PLPPR4: variants seen among roughly 807,000 people sequenced by gnomAD.
PLPPR4 encodes phospholipid phosphatase-related protein type 4.
In PLPPR4, 24 loss-of-function variants were observed where a neutral mutation model predicts 56.6. That is an observed-to-expected ratio of 0.42 (90% CI 0.31 to 0.60). The LOEUF (loss-of-function observed/expected upper bound fraction) is 0.60, where lower values mean the gene tolerates loss of function less well. Among genes scored for constraint, PLPPR4 ranks in the 20% least tolerant of loss-of-function variants. The pLI, the probability that PLPPR4 is intolerant of heterozygous loss-of-function variation, is 0.13. For synonymous variants in PLPPR4, 326 were observed against 328.1 expected, an observed-to-expected ratio of 0.99 and a Z score of 0.07; for missense variants, 654 against 885.8, an observed-to-expected ratio of 0.74 and a Z score of 3.32.
At chr1:99,284,163 G>A (rs1053412762) in intron 1 of PLPPR4, among the ~76,000 whole-genome samples, 10 of 152,010 alleles carry the variant, frequency 6.6e-5, no homozygotes, top group Admixed American at 2.0e-4. Flanking sequence ...GCCGAAACCG[G>A]CACATACCGT....
chr1:99,284,159 A>G (rs1659407427), intron 1 of PLPPR4, among the ~76,000 whole-genome samples: 1 of 152,234 alleles, frequency 6.6e-6, no homozygotes, highest in African/African-American at 2.4e-5. Context: ...GTATGCCGAA[A>G]CCGGCACATA....
intron 2 of PLPPR4, among the ~76,000 whole-genome samples, chr1:99,291,927 T>A (rs1659631014): frequency 6.6e-6 from 1 of 151,894 alleles, no homozygotes; most frequent in Non-Finnish European, 1.5e-5. Flanking sequence ...AAATAAAAGT[T>A]TAGATAGATA....
In PLPPR4 at chr1:99,299,238, A is replaced by G. The variant is rs886408812; in HGVS notation, c.590+8A>G. The stretch of plus-strand genomic sequence containing the variant: ...AGTTATCAACAGTGGCAGGTTAGAA[A>G]CAGATCTAAAAACACTCTGCATCAT... On this transcript the variant is annotated splice_region_variant and intron_variant, in intron 4 of 6. Transcript: ENST00000370185. 1.2e-6 allele frequency: 2 copies of G among 1,605,042 alleles called. No individual in the cohort carries two copies. Among genetic ancestry groups the G allele is most frequent in the African/African-American group, 1.3e-5 (1 of 74,668 alleles).
Position 99,288,508 on chromosome 1 carries a change from A to C in PLPPR4, c.264+358A>C, listed in dbSNP as rs904312917. Among the ~76,000 whole-genome samples the C allele has an allele frequency of 8.1e-4, 124 of 152,226 alleles. No individual in the cohort carries two copies. The Middle Eastern group carries it at 0.024, about 29-fold the overall frequency. On this transcript the variant is annotated intron_variant, in intron 2 of 6. Coordinates refer to ENST00000370185, the MANE Select transcript of PLPPR4 (RefSeq NM_014839.5). Reference sequence around the variant, plus strand: ...TATTTAGTATCTGAAGCCTGAAAAAATGGGGGAGAAATTACATAGCCAAAA... The same window carrying C: ...TATTTAGTATCTGAAGCCTGAAAAACTGGGGGAGAAATTACATAGCCAAAA...
At chr1:99,303,710 G>GT (rs1009614654) in intron 6 of PLPPR4, among the ~76,000 whole-genome samples, 60 of 152,216 alleles carry the variant, frequency 3.9e-4, no homozygotes, top group African/African-American at 1.2e-3. Context: ...AATTTTATAA[G>GT]TTTTTTTATT....
chr1:99,283,623 A>G (rs1035597049), intron 1 of PLPPR4, among the ~76,000 whole-genome samples: 1 of 152,154 alleles, frequency 6.6e-6, no homozygotes, highest in Non-Finnish European at 1.5e-5. Context: ...CCTAATCCTC[A>G]GGTAATTTCC....
chr1:99,287,765 A>C (rs1659504477), intron 1 of PLPPR4, among the ~76,000 whole-genome samples, 200 bp from the exon 2 acceptor site: 1 of 152,160 alleles, frequency 6.6e-6, no homozygotes, highest in Non-Finnish European at 1.5e-5. Flanking sequence ...GGTTGGGGTC[A>C]ACATAGATGC....
In PLPPR4 at chr1:99,300,936, C is replaced by A. The variant is rs200892085; in HGVS notation, c.618C>A (p.Thr206=). 6.2e-7 allele frequency: 1 copy of A among 1,612,150 alleles called. No individual in the cohort carries two copies. Among genetic ancestry groups the A allele is most frequent in the Non-Finnish European group, 8.5e-7 (1 of 1,178,608 alleles). Residue 206 remains threonine, a synonymous_variant, in exon 5 of 7, where the codon ACC becomes ACA. Transcript: ENST00000370185. ...GRKSFPSQHA[T]LAAFAAVYVS... The stretch of plus-strand genomic sequence containing the variant: ...AGTCCTTCCCTTCTCAACATGCAAC[C>A]CTTGCTGCCTTTGCAGCTGTGTATG...
chr1:99,279,810 A>C (rs77246563), intron 1 of PLPPR4, among the ~76,000 whole-genome samples: 4,216 of 152,254 alleles, frequency 0.028, 152 homozygotes, highest in East Asian at 0.17. Flanking sequence ...CCTTATCTTA[A>C]ATTTATCTTA....
intron 6 of PLPPR4, among the ~76,000 whole-genome samples, chr1:99,305,234 A>G (rs1659988549): frequency 6.6e-6 from 1 of 152,166 alleles, no homozygotes; most frequent in Non-Finnish European, 1.5e-5. Context: ...TAAATGATAT[A>G]TTGTTCTATA....
chr1:99,269,620 A>G (rs1658999223), intron 1 of PLPPR4, among the ~76,000 whole-genome samples: 2 of 152,246 alleles, frequency 1.3e-5, no homozygotes, highest in Admixed American at 1.3e-4. Flanking sequence ...CTAAAAAAAT[A>G]TAAATTCCTA....
chr1:99,275,460 C>T (rs1659162185), intron 1 of PLPPR4, among the ~76,000 whole-genome samples: 1 of 152,104 alleles, frequency 6.6e-6, no homozygotes, highest in Non-Finnish European at 1.5e-5. Context: ...TTTTTAAACT[C>T]CAGCCTGTAG....
rs1557784916 is a variant in PLPPR4, at chr1:99,307,244, C to A, written c.*234C>A. On this transcript the variant is annotated 3_prime_UTR_variant, in exon 7 of 7. Coordinates refer to ENST00000370185, the MANE Select transcript of PLPPR4 (RefSeq NM_014839.5). ...GATGATATGAAGAGTTTTCTTAAGACCTGTCGTCAAACTTAAAAGGTTTTG... is the reference window on the plus strand; with the variant it reads ...GATGATATGAAGAGTTTTCTTAAGAACTGTCGTCAAACTTAAAAGGTTTTG... 2 of 479,654 alleles carry A rather than the reference C, an allele frequency of 4.2e-6. No homozygotes were observed. Among genetic ancestry groups the A allele is most frequent in the Admixed American group, 3.8e-5 (1 of 26,258 alleles). 29.7% of individuals were successfully genotyped at this position (479,654 alleles called of 1,614,324 possible).
In PLPPR4 at chr1:99,283,821, A is replaced by G. The variant is rs557052328; in HGVS notation, c.79-4144A>G. ...AAAAAAATTAGCCGGGTGTGGTGGC[A>G]CGCTCCTGTAGTCCCAGCTACTCAG... On this transcript the variant is annotated intron_variant, in intron 1 of 6. Coordinates refer to ENST00000370185, the MANE Select transcript of PLPPR4 (RefSeq NM_014839.5). Among the ~76,000 whole-genome samples, 780 of 152,224 alleles carry G rather than the reference A, an allele frequency of 5.1e-3. 1 individual carries two copies. Among genetic ancestry groups the G allele is most frequent in the Non-Finnish European group, 7.9e-3 (540 of 68,004 alleles).
Position 99,300,939 on chromosome 1 carries a change from T to C in PLPPR4, c.621T>C (p.Leu207=). The change falls in exon 5 of 7, where the codon CTT becomes CTC. Residue 207 remains leucine, a synonymous_variant. Coordinates refer to ENST00000370185, the MANE Select transcript of PLPPR4 (RefSeq NM_014839.5). ...RKSFPSQHAT[L]AAFAAVYVSM... ...CCTTCCCTTCTCAACATGCAACCCT[T>C]GCTGCCTTTGCAGCTGTGTATGTTT... 1 of 1,612,474 alleles carries C rather than the reference T, an allele frequency of 6.2e-7. No homozygotes were observed. Among genetic ancestry groups the C allele is most frequent in the Non-Finnish European group, 8.5e-7 (1 of 1,178,716 alleles).
intron 1 of PLPPR4, among the ~76,000 whole-genome samples, chr1:99,267,670 A>C (rs1658936564): frequency 6.6e-6 from 1 of 152,168 alleles, no homozygotes; most frequent in Admixed American, 6.5e-5. Context: ...AAATTATTTT[A>C]CTTATAGTTT....
At chr1:99,279,962 C>T (rs774981301) in intron 1 of PLPPR4, among the ~76,000 whole-genome samples, 1 of 152,132 alleles carries the variant, frequency 6.6e-6, no homozygotes. Context: ...CTAGAAAAGA[C>T]AGATCTCAGA....
At chr1:99,271,537 A>C (rs1396108307) in intron 1 of PLPPR4, among the ~76,000 whole-genome samples, 1 of 152,178 alleles carries the variant, frequency 6.6e-6, no homozygotes, top group Non-Finnish European at 1.5e-5. Flanking sequence ...GCTCTGTCAG[A>C]GTTCTGGAAC....
At chr1:99,275,302 T>C (rs149418148) in intron 1 of PLPPR4, among the ~76,000 whole-genome samples, 51 of 152,304 alleles carry the variant, frequency 3.3e-4, no homozygotes, top group African/African-American at 9.4e-4. Flanking sequence ...TTGAATTTTA[T>C]GTACATGAAG....
Sources: allele counts gnomAD v4.1 joint callset (sites outside exome capture counted in the v4.1 genomes callset), GRCh38; gene constraint gnomAD v4.1.1; transcripts MANE v1.5; gene names NCBI Gene and HGNC (gene_info 2026-07-23, HGNC 2026-07-21).